Variants in HEATR6 observed in about 807,000 individuals in gnomAD.
The protein encoded by HEATR6 is HEAT repeat-containing protein 6.
In HEATR6, 106 loss-of-function variants were observed where a neutral mutation model predicts 132.8. The observed-to-expected ratio is 0.80, with a 90% CI of 0.68 to 0.94. The LOEUF (loss-of-function observed/expected upper bound fraction) is 0.94, where lower values mean the gene tolerates loss of function less well. HEATR6 is among the 40% of genes least tolerant of loss of function. The pLI, the probability that HEATR6 is intolerant of heterozygous loss-of-function variation, is 0.00. For missense variants in HEATR6, 1,339 were observed against 1,425.1 expected, an observed-to-expected ratio of 0.94 and a Z score of 0.97; for synonymous variants, 529 against 537.8, an observed-to-expected ratio of 0.98 and a Z score of 0.23.
rs778221973 is a variant in HEATR6, at chr17:60,055,714, A to G, written c.2203-113T>C. ...ACTCTAGTAACACCTCCACTCGAGT[A>G]ACACCTTCACTCGAGTGACACCTTC... On this transcript the variant is annotated intron_variant, in intron 13 of 19. Coordinates refer to ENST00000184956, the MANE Select transcript of HEATR6 (RefSeq NM_022070.5). 152 of 631,022 alleles carry G rather than the reference A, an allele frequency of 2.4e-4. No homozygotes were observed. In the East Asian group the frequency reaches 2.8e-3, roughly 12 times the overall value. The allele number at this position is 631,022 out of a possible 1,614,324, so 39.1% of individuals were successfully genotyped here.
chr17:60,045,114 G>A (rs1906319579), intron 19 of HEATR6, among the ~76,000 whole-genome samples: 1 of 152,144 alleles, frequency 6.6e-6, no homozygotes, highest in Non-Finnish European at 1.5e-5. Context: ...CCACCACTGA[G>A]GTGCCCTGGT....
chr17:60,056,829 G>A (rs550940373), intron 12 of HEATR6, among the ~76,000 whole-genome samples: 1 of 152,100 alleles, frequency 6.6e-6, no homozygotes, highest in African/African-American at 2.4e-5. Context: ...AAAATAATTT[G>A]CAATCAAAGA....
Position 60,066,321 on chromosome 17 carries a change from T to C in HEATR6, c.1304A>G (p.Glu435Gly). The C allele has an allele frequency of 1.9e-6, 3 of 1,613,964 alleles. No homozygotes were observed. The highest frequency in any genetic ancestry group is 1.7e-5 in the Admixed American group (1 of 60,002). Reference sequence around the variant, plus strand: ...CCAGTAGCCATAAAGAACTTTTTTTTCTATCGATTTTATAGTAGAAAGAAA... The same window carrying C: ...CCAGTAGCCATAAAGAACTTTTTTTCCTATCGATTTTATAGTAGAAAGAAA... Reference protein sequence around the residue: ...VCFLSTIKSIEKKVLYGYWSA... With the variant: ...VCFLSTIKSIGKKVLYGYWSA... Residue 435 changes from glutamate to glycine, a missense_variant, in exon 9 of 20, where the codon GAA becomes GGA. By Grantham distance (98) the Glu-to-Gly change is moderately conservative. Transcript: ENST00000184956.
Position 60,041,671 on chromosome 17 carries a change from A to G in HEATR6, c.*1892T>C, listed in dbSNP as rs539032188. Among the ~76,000 whole-genome samples the G allele has an allele frequency of 1.2e-4, 18 of 152,316 alleles. No individual in the cohort carries two copies. The highest frequency in any genetic ancestry group is 9.1e-4 in the Admixed American group (14 of 15,302). On this transcript the variant is annotated 3_prime_UTR_variant, in exon 20 of 20. Coordinates refer to ENST00000184956, the MANE Select transcript of HEATR6 (RefSeq NM_022070.5). ...TTAATTCTGTGGACACTGATATTCT[A>G]TCAATGGAAAATTGAGCCTTTAGTG...
At chr17:60,078,652 G>C (rs1375607602) in intron 1 of HEATR6, 44 bp downstream of exon 1, 1 of 1,474,366 alleles carries the variant, frequency 6.8e-7, no homozygotes, top group East Asian at 2.5e-5. Context: ...TGGGTTCCCG[G>C]AGGGGTGGGG....
intron 3 of HEATR6, 45 bp downstream of exon 3, chr17:60,073,701 T>C: frequency 6.3e-7 from 1 of 1,588,046 alleles, no homozygotes; most frequent in Non-Finnish European, 8.6e-7. Flanking sequence ...CACCAGAGTC[T>C]GTGCTCCTGG....
At chr17:60,067,818 A>G (rs2083250519) in intron 7 of HEATR6, 86 bp from the exon 8 acceptor site, 1 of 1,057,896 alleles carries the variant, frequency 9.5e-7, no homozygotes, top group Admixed American at 2.6e-5. Flanking sequence ...TTTTAAAGTG[A>G]CTAAATATGT....
chr17:60,059,914 T>G lies in HEATR6; in HGVS notation c.1599A>C (p.Ser533=). ...CCTTAATTATCTGAGTAACGGTCTG[T>G]GAGGATGACTCCGCCACCAAAGCTA... ...LLLALVAESS[S]QTVTQIIKCL... is the part of the protein sequence containing the mutation. Residue 533 remains serine (S), a synonymous_variant, in exon 10 of 20, where the codon TCA becomes TCC. Coordinates refer to ENST00000184956, the MANE Select transcript of HEATR6 (RefSeq NM_022070.5). 6.2e-7 allele frequency: 1 copy of G among 1,613,706 alleles called. No individual in the cohort carries two copies. The highest frequency in any genetic ancestry group is 8.5e-7 in the Non-Finnish European group (1 of 1,179,734).
chr17:60,044,387 C>A (rs941067422), intron 19 of HEATR6, among the ~76,000 whole-genome samples: 4 of 152,280 alleles, frequency 2.6e-5, no homozygotes, highest in Non-Finnish European at 4.4e-5. Flanking sequence ...CCTCTGCTAC[C>A]CAATATAAAG....
chr17:60,068,957 A>G (rs2083256212), intron 7 of HEATR6, among the ~76,000 whole-genome samples: 1 of 152,226 alleles, frequency 6.6e-6, no homozygotes, highest in Non-Finnish European at 1.5e-5. Flanking sequence ...CTATATACTT[A>G]GTGCTTAGCA....
chr17:60,048,892 T>A (rs1031373783), intron 16 of HEATR6, among the ~76,000 whole-genome samples: 1 of 150,522 alleles, frequency 6.6e-6, no homozygotes, highest in African/African-American at 2.4e-5. Context: ...TTTTATTAGA[T>A]CATTCATTAA....
rs779864275 is a variant in HEATR6, at chr17:60,056,195, C to T, written c.2122G>A (p.Ala708Thr). Residue 708 changes from alanine (A) to threonine (T), a missense_variant, in exon 13 of 20, where the codon GCC becomes ACC. Ala to Thr is a moderately conservative substitution (Grantham distance 58). Coordinates refer to ENST00000184956, the MANE Select transcript of HEATR6 (RefSeq NM_022070.5). ...ACCTCTCCAAGCTCCATCAAGTAGGCTTGAGTCATTGAAAAGTAGCCCCTT... is the reference window on the plus strand; with the variant it reads ...ACCTCTCCAAGCTCCATCAAGTAGGTTTGAGTCATTGAAAAGTAGCCCCTT... ...LARGYFSMTQ[A>T]YLMELGEVIC... is the part of the protein sequence containing the mutation. 1.1e-5 allele frequency: 18 copies of T among 1,613,928 alleles called. No homozygotes were observed. In the East Asian group the frequency reaches 2.9e-4, roughly 26 times the overall value.
intron 7 of HEATR6, among the ~76,000 whole-genome samples, chr17:60,068,094 A>C (rs957431947): frequency 2.0e-5 from 3 of 152,192 alleles, no homozygotes; most frequent in South Asian, 2.1e-4. Flanking sequence ...ATGTGTTGTG[A>C]AAGTATTCAG....
Position 60,066,225 on chromosome 17 carries a change from T to G in HEATR6, c.1400A>C (p.Lys467Thr). 6.2e-7 allele frequency: 1 copy of G among 1,612,560 alleles called. No individual in the cohort carries two copies. Among genetic ancestry groups the G allele is most frequent in the Non-Finnish European group, 8.5e-7 (1 of 1,179,492 alleles). ...QSVSLMTLTL[K>T]DPSPKTRACA... Reference sequence around the variant, plus strand: ...TTCTCTTACCTTTGGAGAAGGGTCTTTCAATGTAAGAGTCATCAAGGACAC... The same window carrying G: ...TTCTCTTACCTTTGGAGAAGGGTCTGTCAATGTAAGAGTCATCAAGGACAC... The change falls in exon 9 of 20, where the codon AAA (lysine) becomes ACA (threonine). Residue 467 changes from lysine to threonine, a missense_variant. Transcript: ENST00000184956.
rs1187440467 is a variant in HEATR6, at chr17:60,043,515, A to C, written c.*48T>G. ...TCCCACAGATCTTATGCTCAAGCTCAGGTCTTCCTACTGCCGCCTTCGACA... is the reference window on the plus strand; with the variant it reads ...TCCCACAGATCTTATGCTCAAGCTCCGGTCTTCCTACTGCCGCCTTCGACA... On this transcript the variant is annotated 3_prime_UTR_variant, in exon 20 of 20. Coordinates refer to ENST00000184956, the MANE Select transcript of HEATR6 (RefSeq NM_022070.5). 1 of 1,419,882 alleles carries C rather than the reference A, an allele frequency of 7.0e-7. No homozygotes were observed. The highest frequency in any genetic ancestry group is 9.8e-7 in the Non-Finnish European group (1 of 1,025,026). The allele number at this position is 1,419,882 out of a possible 1,614,324, so 88.0% of individuals were successfully genotyped here. A position where few individuals can be genotyped will look rare whatever the true frequency, so the allele number is the denominator to read the frequency against.
At chr17:60,053,540 G>C (rs1357735730) in intron 14 of HEATR6, among the ~76,000 whole-genome samples, 1 of 152,232 alleles carries the variant, frequency 6.6e-6, no homozygotes, top group African/African-American at 2.4e-5. Context: ...GAAGACAAAG[G>C]AAAGTTTGGA....
intron 2 of HEATR6, 121 bp from the exon 3 acceptor site, chr17:60,074,007 G>T: frequency 4.2e-6 from 6 of 1,422,814 alleles, no homozygotes; most frequent in Non-Finnish European, 5.5e-6. Context: ...TGTCGTTTAT[G>T]TGTCAAAAGG....
At position 60,076,122 on chromosome 17, in the gene HEATR6, A is replaced by G. The variant is rs1158408862; in HGVS notation, c.327+8T>C. On this transcript the variant is annotated splice_region_variant and intron_variant, in intron 2 of 19. Coordinates refer to ENST00000184956, the MANE Select transcript of HEATR6 (RefSeq NM_022070.5). ...TGATCTGAATTCTAGAGTTACATAC[A>G]TGATTACCTGTAATCTGTTAAGTAA... 6.0e-6 allele frequency: 9 copies of G among 1,491,400 alleles called. No individual in the cohort carries two copies. The highest frequency in any genetic ancestry group is 1.1e-5 in the South Asian group (1 of 88,420). 92.4% of individuals were successfully genotyped at this position (1,491,400 alleles called of 1,614,324 possible).
At chr17:60,048,634 G>A (rs897904704) in intron 16 of HEATR6, among the ~76,000 whole-genome samples, 3 of 152,142 alleles carry the variant, frequency 2.0e-5, no homozygotes, top group African/African-American at 4.8e-5. Flanking sequence ...GGATTTTGCT[G>A]TTATGAACAT....
Sources: allele counts gnomAD v4.1 joint callset (sites outside exome capture counted in the v4.1 genomes callset), GRCh38; gene constraint gnomAD v4.1.1; transcripts MANE v1.5; gene names NCBI Gene and HGNC (gene_info 2026-07-23, HGNC 2026-07-21).